The following VAC14 variants were observed in gnomAD, a reference collection of about 807,000 sequenced individuals.
The protein encoded by VAC14 is protein VAC14 homolog.
Under a neutral mutation model 85.3 loss-of-function variants are expected in VAC14, and 47 were observed. The observed-to-expected ratio is 0.55, with a 90% confidence interval of 0.44 to 0.70. The LOEUF (loss-of-function observed/expected upper bound fraction) is 0.70. Ranked by LOEUF, VAC14 falls within the 30% of genes least tolerant of loss-of-function variation. The pLI, the probability that VAC14 is intolerant of heterozygous loss-of-function variation, is 0.00. For synonymous variants in VAC14, 447 were observed against 430.5 expected (o/e 1.04, Z -0.47); for missense variants, 861 against 1,004.3 (o/e 0.86, Z 1.93).
At chr16:70,709,677 A>T (rs2053989304) in intron 14 of VAC14, among the ~76,000 whole-genome samples, 1 of 152,118 alleles carries the variant, frequency 6.6e-6, no homozygotes, top group Non-Finnish European at 1.5e-5. Context: ...CACGGGGCTG[A>T]CTCCAACAGC....
Position 70,781,984 on chromosome 16 carries a change from T to C in VAC14, c.831A>G (p.Thr277=). ...TGAACTCCCGCATCCAGCACATGGC[T>C]GTCAGCTGGATGAGGTCATCTGGAA... ...CQTTDDLIQL[T]AMCWMREFIQ... The change falls in exon 8 of 19, where the codon ACA becomes ACG. Residue 277 remains threonine, a synonymous_variant. Transcript: ENST00000261776. 6.2e-7 allele frequency: 1 copy of C among 1,613,884 alleles called. No homozygotes were observed. The highest frequency in any genetic ancestry group is 8.5e-7 in the Non-Finnish European group (1 of 1,179,932).
chr16:70,780,845 C>T lies in VAC14; in HGVS notation c.1041G>A (p.Arg347=), dbSNP rs757489732. The T allele has an allele frequency of 6.2e-7, 1 of 1,613,768 alleles. No homozygotes were observed. Among genetic ancestry groups the T allele is most frequent in the Non-Finnish European group, 8.5e-7 (1 of 1,179,854 alleles). ...DELDELRPGQ[R]QAEPTPDDAL... ...CATCGTCAGGGGTGGGCTCTGCCTGCCTCTGCCCAGGTCTCAGCTCATCCA... is the reference window on the plus strand; with the variant it reads ...CATCGTCAGGGGTGGGCTCTGCCTGTCTCTGCCCAGGTCTCAGCTCATCCA... Residue 347 remains arginine (R), a synonymous_variant, in exon 9 of 19, where the codon AGG becomes AGA. Coordinates refer to ENST00000261776, the MANE Select transcript of VAC14 (RefSeq NM_018052.5).
At chr16:70,747,276 T>C (rs915797082) in intron 12 of VAC14, 2 of 149,040 alleles carry the variant, frequency 1.3e-5, no homozygotes, top group Non-Finnish European at 3.0e-5. Flanking sequence ...AGACAGAGGG[T>C]GGATTTGTGG....
chr16:70,748,200 A>AC (rs1260199699), intron 12 of VAC14, among the ~76,000 whole-genome samples: 1 of 152,182 alleles, frequency 6.6e-6, no homozygotes, highest in Non-Finnish European at 1.5e-5. Context: ...TCCAATCCTG[A>AC]CCCTGGACCA....
intron 16 of VAC14, 78 bp downstream of exon 16, chr16:70,697,061 T>C (rs1293497026): frequency 8.1e-7 from 1 of 1,241,160 alleles, no homozygotes; most frequent in Non-Finnish European, 1.2e-6. Flanking sequence ...TGGGCCCGCC[T>C]GTTGGGTGGA....
chr16:70,746,030 CT>C (rs1227092233), intron 12 of VAC14, among the ~76,000 whole-genome samples: 1 of 152,192 alleles, frequency 6.6e-6, no homozygotes, highest in Non-Finnish European at 1.5e-5. Flanking sequence ...CCAGTGAATT[CT>C]ATGCTTCAAA....
intron 14 of VAC14, among the ~76,000 whole-genome samples, chr16:70,706,580 T>G (rs1357620603): frequency 1.3e-5 from 2 of 152,210 alleles, no homozygotes; most frequent in Non-Finnish European, 2.9e-5. Flanking sequence ...GGTGCGATCT[T>G]AGCTCACTGC....
intron 14 of VAC14, among the ~76,000 whole-genome samples, chr16:70,704,812 A>G (rs1286788286): frequency 6.6e-6 from 1 of 152,228 alleles, no homozygotes; most frequent in Admixed American, 6.5e-5. Flanking sequence ...GGTGAGGCCC[A>G]GGAGGGCAAA....
At chr16:70,737,670 C>T (rs2054803807) in intron 13 of VAC14, among the ~76,000 whole-genome samples, 1 of 152,172 alleles carries the variant, frequency 6.6e-6, no homozygotes, top group Admixed American at 6.5e-5. Flanking sequence ...GGGGAGCCAG[C>T]CCTGCAGATG....
chr16:70,691,910 G>A, intron 18 of VAC14: 1 of 985,324 alleles, frequency 1.0e-6, no homozygotes, highest in Non-Finnish European at 1.2e-6. Context: ...GAGGCCCTTT[G>A]CTGGAGCAAG....
At chr16:70,691,521 G>GC in intron 18 of VAC14, 2 of 985,406 alleles carry the variant, frequency 2.0e-6, no homozygotes, top group Non-Finnish European at 2.4e-6. Flanking sequence ...CCACACATGC[G>GC]CCCCCGCTCC....
In VAC14 at chr16:70,782,911, A is replaced by T. The variant is rs902728291; in HGVS notation, c.811+122T>A. 4 of 916,810 alleles carry T rather than the reference A, an allele frequency of 4.4e-6. No individual in the cohort carries two copies. The African/African-American group carries it at 5.0e-5, about 11-fold the overall frequency. 56.8% of individuals were successfully genotyped at this position (916,810 alleles called of 1,614,324 possible). ...AGGGCCCACTGTCACACTGGCTAAT[A>T]TTCCTACCAGGAATCTCCCCTGCCC... On this transcript the variant is annotated intron_variant, in intron 7 of 18. Coordinates refer to ENST00000261776, the MANE Select transcript of VAC14 (RefSeq NM_018052.5).
intron 13 of VAC14, among the ~76,000 whole-genome samples, chr16:70,743,191 T>C (rs1487426635): frequency 3.3e-5 from 5 of 151,224 alleles, no homozygotes; most frequent in African/African-American, 1.2e-4. Context: ...GTCTAAAGGA[T>C]TGTAAACGCA....
chr16:70,800,269 C>T (rs1334602444), intron 1 of VAC14, among the ~76,000 whole-genome samples: 1 of 152,246 alleles, frequency 6.6e-6, no homozygotes, highest in Non-Finnish European at 1.5e-5. Context: ...TCTACTTCCA[C>T]TTGCAGGGAA....
At chr16:70,733,736 G>T (rs955652264) in intron 13 of VAC14, among the ~76,000 whole-genome samples, 3 of 152,046 alleles carry the variant, frequency 2.0e-5, no homozygotes, top group African/African-American at 4.8e-5. Flanking sequence ...GAACCAAGCA[G>T]ATGCTAACAC....
intron 13 of VAC14, among the ~76,000 whole-genome samples, chr16:70,738,087 C>G (rs1002979377): frequency 6.6e-6 from 1 of 152,196 alleles, no homozygotes; most frequent in African/African-American, 2.4e-5. Flanking sequence ...AGCATCAAGT[C>G]GTGCTTGGCA....
At chr16:70,730,114 C>T (rs538794186) in intron 14 of VAC14, among the ~76,000 whole-genome samples, 1 of 152,076 alleles carries the variant, frequency 6.6e-6, no homozygotes, top group African/African-American at 2.4e-5. Context: ...ACATCAGTCA[C>T]CAGACAAATC....
In VAC14 at chr16:70,780,792, C is replaced by A; in HGVS notation, c.1094G>T (p.Ser365Ile). 6.3e-7 allele frequency: 1 copy of A among 1,596,344 alleles called. No individual in the cohort carries two copies. The highest frequency in any genetic ancestry group is 8.6e-7 in the Non-Finnish European group (1 of 1,169,538). Residue 365 changes from serine (S) to isoleucine (I), a missense_variant and splice_region_variant, in exon 9 of 19, where the codon AGT becomes ATT. Transcript: ENST00000261776. ...GTGTAGGGACGGAGTCCACTCACCA[C>A]TGGCTGTGCCCTCCTGCTTTGGCAG... ...DALPKQEGTA[S>I]GGPDGSCDSS...
chr16:70,785,483 A>G (rs1598011119), intron 3 of VAC14, among the ~76,000 whole-genome samples: 2 of 152,268 alleles, frequency 1.3e-5, no homozygotes, highest in African/African-American at 2.4e-5. Flanking sequence ...ACTGATACTT[A>G]TATCAAATGC....
Sources: allele counts gnomAD v4.1 joint callset (sites outside exome capture counted in the v4.1 genomes callset), GRCh38; gene constraint gnomAD v4.1.1; transcripts MANE v1.5; gene names NCBI Gene and HGNC (gene_info 2026-07-23, HGNC 2026-07-21).